NTNG1: variants seen among roughly 807,000 people sequenced by gnomAD.
NTNG1 encodes the protein netrin-G1.
A neutral mutation model predicts 54.0 loss-of-function variants in NTNG1; 16 were observed. That is an observed-to-expected ratio of 0.30 (90% CI 0.20 to 0.45). The LOEUF is 0.45. Among genes scored for constraint, NTNG1 ranks in the 20% least tolerant of loss-of-function variants. The pLI, the probability that NTNG1 is intolerant of heterozygous loss-of-function variation, is 1.00. For synonymous variants in NTNG1, 255 were observed against 263.1 expected, an observed-to-expected ratio of 0.97 and a Z score of 0.30; for missense variants, 530 against 678.7, an observed-to-expected ratio of 0.78 and a Z score of 2.43.
chr1:107,197,987 A>G (rs1658465158), intron 2 of NTNG1, among the ~76,000 whole-genome samples: 1 of 151,896 alleles, frequency 6.6e-6, no homozygotes, highest in South Asian at 2.1e-4. Context: ...TTTTTTTCCT[A>G]TTCTTTGAGG....
rs187610477 is a variant in NTNG1 at position 107,167,737 on chromosome 1, T to C, written c.246+18898T>C. 2.5e-3 allele frequency among the ~76,000 whole-genome samples: 387 copies of C among 152,182 alleles called. 2 individuals are homozygous for C. The highest frequency in any genetic ancestry group is 8.8e-3 in the African/African-American group (366 of 41,548). ...CTTAAATGCCTAACATGTATTAATA[T>C]AATATTTGAATGAAAGCGTGAGTAG... On this transcript the variant is annotated intron_variant, in intron 2 of 7. Coordinates refer to ENST00000370068, the MANE Select transcript of NTNG1 (RefSeq NM_001113226.3).
chr1:107,451,837 T>C (rs1374588502), intron 7 of NTNG1, among the ~76,000 whole-genome samples: 1 of 152,170 alleles, frequency 6.6e-6, no homozygotes, highest in Non-Finnish European at 1.5e-5. Context: ...TTAAGGATGT[T>C]GCTAAACTTG....
At chr1:107,397,157 T>A (rs1015551236) in intron 4 of NTNG1, among the ~76,000 whole-genome samples, 1 of 152,180 alleles carries the variant, frequency 6.6e-6, no homozygotes, top group African/African-American at 2.4e-5. Context: ...GGTCCAATTG[T>A]CCACCTATCC....
intron 2 of NTNG1, among the ~76,000 whole-genome samples, chr1:107,241,373 C>T (rs1661813198): frequency 6.6e-6 from 1 of 152,134 alleles, no homozygotes; most frequent in Admixed American, 6.5e-5. Flanking sequence ...ACAGCCAAGC[C>T]TGGGTATAAA....
chr1:107,395,484 C>T (rs1275119268), intron 4 of NTNG1, 158 bp downstream of exon 4: 1 of 771,048 alleles, frequency 1.3e-6, no homozygotes, highest in African/African-American at 1.7e-5. Context: ...CTCATGTAGA[C>T]ATCTTTTAGC....
chr1:107,317,654 A>G (rs1296273067), intron 2 of NTNG1, among the ~76,000 whole-genome samples: 1 of 152,166 alleles, frequency 6.6e-6, no homozygotes, highest in African/African-American at 2.4e-5. Context: ...GTGGGGATTT[A>G]CACAGGTGTC....
intron 7 of NTNG1, among the ~76,000 whole-genome samples, chr1:107,463,933 G>A (rs1460466415): frequency 6.6e-6 from 1 of 152,026 alleles, no homozygotes; most frequent in Non-Finnish European, 1.5e-5. Context: ...AGGTTATTTT[G>A]AAAATATATA....
At position 107,480,942 on chromosome 1, in the gene NTNG1, C is replaced by A. The variant is rs1678672850; in HGVS notation, c.*102C>A. ...GGAAACACACACATACAGACACCCC[C>A]ACTCAGACAGTGTACAAACTAAGAA... On this transcript the variant is annotated 3_prime_UTR_variant, in exon 8 of 8. Transcript: ENST00000370068. 3 of 837,332 alleles carry A rather than the reference C, an allele frequency of 3.6e-6. No individual in the cohort carries two copies. The South Asian group carries it at 4.9e-5, about 14-fold the overall frequency. The allele number at this position is 837,332 out of a possible 1,614,324, so 51.9% of individuals were successfully genotyped here.
chr1:107,177,872 G>A (rs1036609938), intron 2 of NTNG1, among the ~76,000 whole-genome samples: 1 of 151,908 alleles, frequency 6.6e-6, no homozygotes, highest in Non-Finnish European at 1.5e-5. Flanking sequence ...TCTATTATTG[G>A]TCAATCAACT....
At chr1:107,377,282 G>A (rs1042773514) in intron 3 of NTNG1, among the ~76,000 whole-genome samples, 1 of 152,158 alleles carries the variant, frequency 6.6e-6, no homozygotes, top group African/African-American at 2.4e-5. Flanking sequence ...ATGTGGCCAG[G>A]AACGGAGGAT....
chr1:107,410,580 C>A (rs1206083055), intron 5 of NTNG1: 1 of 152,096 alleles, frequency 6.6e-6, no homozygotes, highest in Admixed American at 6.6e-5. Context: ...AAATCTGTAG[C>A]CTTTGAGCCT....
chr1:107,209,051 G>A (rs1192118320), intron 2 of NTNG1, among the ~76,000 whole-genome samples: 1 of 151,880 alleles, frequency 6.6e-6, no homozygotes, highest in African/African-American at 2.4e-5. Flanking sequence ...TGGTTTCTGA[G>A]ATTCCAGATT....
chr1:107,204,040 A>G (rs1658978289), intron 2 of NTNG1, among the ~76,000 whole-genome samples: 1 of 151,190 alleles, frequency 6.6e-6, no homozygotes, highest in African/African-American at 2.4e-5. Flanking sequence ...ATATGGTTCT[A>G]TTTTTTTTCC....
chr1:107,256,900 A>G (rs1367188617), intron 2 of NTNG1, among the ~76,000 whole-genome samples: 1 of 152,210 alleles, frequency 6.6e-6, no homozygotes, highest in Non-Finnish European at 1.5e-5. Context: ...TACCTGTCAA[A>G]ATGTCCAAAT....
chr1:107,435,211 A>G (rs986596592), intron 6 of NTNG1, among the ~76,000 whole-genome samples: 1 of 152,154 alleles, frequency 6.6e-6, no homozygotes, highest in African/African-American at 2.4e-5. Flanking sequence ...TATAGGTACA[A>G]ATTTATAATG....
At chr1:107,468,386 A>G (rs1249911242) in intron 7 of NTNG1, among the ~76,000 whole-genome samples, 1 of 152,150 alleles carries the variant, frequency 6.6e-6, no homozygotes, top group Non-Finnish European at 1.5e-5. Flanking sequence ...TGATGACACA[A>G]TTATCTCCTT....
chr1:107,408,851 A>G (rs1008663149), intron 5 of NTNG1: 2 of 152,146 alleles, frequency 1.3e-5, no homozygotes, highest in African/African-American at 4.8e-5. Context: ...CCCAGCATCC[A>G]TCTAAAAAGC....
chr1:107,238,337 TA>T (rs965095295), intron 2 of NTNG1, among the ~76,000 whole-genome samples: 3 of 152,234 alleles, frequency 2.0e-5, no homozygotes, highest in Non-Finnish European at 4.4e-5. Context: ...AGGAAGTAAC[TA>T]ACTTGCTTTT....
At chr1:107,454,238 ACTAT>A (rs1676794566) in intron 7 of NTNG1, among the ~76,000 whole-genome samples, 2 of 152,178 alleles carry the variant, frequency 1.3e-5, no homozygotes, top group South Asian at 2.1e-4. Context: ...ATTCTCTCTC[ACTAT>A]CTGTTTATCA....
Sources: allele counts gnomAD v4.1 joint callset (sites outside exome capture counted in the v4.1 genomes callset), GRCh38; gene constraint gnomAD v4.1.1; transcripts MANE v1.5; gene names NCBI Gene and HGNC (gene_info 2026-07-23, HGNC 2026-07-21).